The following CNTLN variants were observed in gnomAD, a reference collection of about 807,000 sequenced individuals.
CNTLN encodes centlein, centrosomal protein.
In CNTLN, 212 loss-of-function variants were observed where a neutral mutation model predicts 180.0. The ratio of observed to expected loss-of-function variants is 1.18; its 90% CI spans 1.05 to 1.32. The LOEUF (loss-of-function observed/expected upper bound fraction) is 1.32, where lower values mean the gene tolerates loss of function less well. Ranked by LOEUF, CNTLN falls within the 40% of genes most tolerant of loss-of-function variation. The pLI is 0.00. For missense variants in CNTLN, 2,095 were observed against 1,610.9 expected (o/e 1.30, Z -5.14); for synonymous variants, 722 against 563.1 (o/e 1.28, Z -3.99).
chr9:17,186,664 T>G (rs1001493083), intron 2 of CNTLN, among the ~76,000 whole-genome samples: 1 of 152,130 alleles, frequency 6.6e-6, no homozygotes, highest in Non-Finnish European at 1.5e-5. Flanking sequence ...GCTAATCATG[T>G]GTATATATTT....
intron 1 of CNTLN, among the ~76,000 whole-genome samples, chr9:17,137,615 A>G (rs966741600): frequency 6.6e-6 from 1 of 152,244 alleles, no homozygotes; most frequent in African/African-American, 2.4e-5. Flanking sequence ...AATGCTGTCC[A>G]GATCTAAATT....
At chr9:17,312,724 CT>C (rs1248106502) in intron 8 of CNTLN, among the ~76,000 whole-genome samples, 1 of 151,972 alleles carries the variant, frequency 6.6e-6, no homozygotes, top group Non-Finnish European at 1.5e-5. Flanking sequence ...TTTATTGAGA[CT>C]TGTCATAAAG....
At chr9:17,280,782 T>A (rs1828611511) in intron 6 of CNTLN, among the ~76,000 whole-genome samples, 1 of 152,124 alleles carries the variant, frequency 6.6e-6, no homozygotes, top group African/African-American at 2.4e-5. Flanking sequence ...GTTCATACCA[T>A]CCCCTGTATA....
At chr9:17,218,575 A>C (rs553975980) in intron 2 of CNTLN, among the ~76,000 whole-genome samples, 2 of 152,268 alleles carry the variant, frequency 1.3e-5, no homozygotes, top group African/African-American at 4.8e-5. Context: ...TTACTGTTTT[A>C]GAATCTTAGT....
At chr9:17,214,884 G>T (rs1345122509) in intron 2 of CNTLN, among the ~76,000 whole-genome samples, 3 of 152,280 alleles carry the variant, frequency 2.0e-5, no homozygotes, top group Non-Finnish European at 4.4e-5. Context: ...TAGTCCTCGT[G>T]CCATGGTTTT....
At chr9:17,470,720 G>A (rs1588068750) in intron 23 of CNTLN, among the ~76,000 whole-genome samples, 1 of 151,974 alleles carries the variant, frequency 6.6e-6, no homozygotes. Context: ...GCTTGTTAAT[G>A]TGCCTGTATG....
At chr9:17,310,812 C>T (rs1254546984) in intron 8 of CNTLN, among the ~76,000 whole-genome samples, 2 of 152,104 alleles carry the variant, frequency 1.3e-5, no homozygotes, top group Non-Finnish European at 2.9e-5. Flanking sequence ...GTGCATATCA[C>T]TGACTAGCCA....
chr9:17,150,778 G>A (rs142448757), intron 2 of CNTLN, among the ~76,000 whole-genome samples: 3,039 of 152,112 alleles, frequency 0.02, 68 homozygotes, highest in African/African-American at 0.054. Flanking sequence ...CTTCCTATCC[G>A]TGAGCATGGA....
intron 2 of CNTLN, among the ~76,000 whole-genome samples, chr9:17,170,746 G>A (rs149198308): frequency 4.5e-4 from 67 of 149,438 alleles, no homozygotes; most frequent in Admixed American, 1.6e-3. Flanking sequence ...CTTGTAGCTC[G>A]GTGGGCTTCC....
intron 18 of CNTLN, among the ~76,000 whole-genome samples, chr9:17,422,273 C>T (rs979212431): frequency 2.8e-4 from 43 of 152,044 alleles, no homozygotes; most frequent in African/African-American, 8.9e-4. Context: ...CTCTTTTATA[C>T]GTTATTTATT....
chr9:17,235,241 A>G (rs1207102547), intron 3 of CNTLN, among the ~76,000 whole-genome samples: 1 of 152,210 alleles, frequency 6.6e-6, no homozygotes, highest in Non-Finnish European at 1.5e-5. Flanking sequence ...AAAATTTTAA[A>G]GTGATTTATG....
chr9:17,448,484 TCCAAAGC>T (rs1221405051), intron 18 of CNTLN: 1 of 152,232 alleles, frequency 6.6e-6, no homozygotes, highest in Non-Finnish European at 1.5e-5. Context: ...TTTCTGATGC[TCCAAAGC>T]CAGATCCTCT....
intron 13 of CNTLN, among the ~76,000 whole-genome samples, chr9:17,367,821 T>G (rs1823957231): frequency 6.6e-6 from 1 of 152,034 alleles, no homozygotes; most frequent in African/African-American, 2.4e-5. Context: ...GAAGAGCCCT[T>G]GGGCCCTGAA....
intron 23 of CNTLN, among the ~76,000 whole-genome samples, chr9:17,474,676 C>A (rs560515818): frequency 1.3e-5 from 2 of 152,068 alleles, no homozygotes; most frequent in African/African-American, 2.4e-5. Flanking sequence ...CAAGACCAGC[C>A]TGGCCAACAT....
At chr9:17,506,736 C>CA (rs35207418), downstream of CNTLN, among the ~76,000 whole-genome samples, 143,691 of 152,074 alleles carry the variant, frequency 0.94, 68,137 homozygotes, top group Middle Eastern at 1. Flanking sequence ...ACTGTAAAAA[C>CA]AACAAAATGT....
Position 17,466,854 on chromosome 9 carries a change from C to T in CNTLN, c.3818C>T (p.Ala1273Val), listed in dbSNP as rs1831780302. 6.2e-7 allele frequency: 1 copy of T among 1,609,662 alleles called. No homozygotes were observed. The highest frequency in any genetic ancestry group is 1.7e-5 in the Admixed American group (1 of 59,758). The change falls in exon 23 of 26, where the codon GCC becomes GTC. Residue 1273 changes from alanine to valine, a missense_variant. Transcript: ENST00000380647. ...LEGAQKTLLL[A>V]NEKVEEFTTF... The stretch of plus-strand genomic sequence containing the variant: ...GGTGCACAGAAGACATTGCTGTTAG[C>T]CAATGAAAAAGTAGAAGAGTTCACC...
chr9:17,266,459 T>C (rs927433721), intron 5 of CNTLN, among the ~76,000 whole-genome samples: 6 of 152,118 alleles, frequency 3.9e-5, no homozygotes, highest in African/African-American at 1.2e-4. Flanking sequence ...TGCTTCCCAG[T>C]ATGTGGTCAA....
At chr9:17,225,165 T>C (rs1824386409) in intron 2 of CNTLN, among the ~76,000 whole-genome samples, 1 of 151,976 alleles carries the variant, frequency 6.6e-6, no homozygotes, top group Admixed American at 6.6e-5. Flanking sequence ...TTCTAGACTC[T>C]AATATAAGCC....
intron 5 of CNTLN, among the ~76,000 whole-genome samples, chr9:17,241,063 T>C (rs1369194681): frequency 6.6e-6 from 1 of 152,140 alleles, no homozygotes; most frequent in African/African-American, 2.4e-5. Context: ...TTTCATCGTG[T>C]TAGCCAGGAT....
Sources: gnomAD v4.1 joint callset for allele counts (sites outside exome capture counted in the v4.1 genomes callset) on GRCh38, gnomAD v4.1.1 for gene constraint, MANE v1.5 for transcripts, NCBI Gene and HGNC (gene_info 2026-07-23, HGNC 2026-07-21) for gene names.